Variants in NAV2 observed in about 807,000 individuals in gnomAD.
NAV2 encodes neuron navigator 2, also known as helicase, APC down-regulated 1.
Under a neutral mutation model 223.2 loss-of-function variants are expected in NAV2, and 54 were observed. That is an observed-to-expected ratio of 0.24 (90% CI 0.19 to 0.30). NAV2 has a LOEUF of 0.30. Ranked by LOEUF, NAV2 falls within the 10% of genes least tolerant of loss-of-function variation. The probability of loss-of-function intolerance (pLI) is 1.00; values close to 1 mark genes in which losing one functional copy is unlikely to be tolerated. For missense variants in NAV2, 2,806 were observed against 3,147.5 expected (o/e 0.89, Z 2.60); for synonymous variants, 1,279 against 1,239.3 (o/e 1.03, Z -0.67).
In NAV2 at chr11:19,933,785, T is replaced by C. The variant is rs1279246703; in HGVS notation, c.1541T>C (p.Leu514Pro). The change falls in exon 7 of 38, where the codon CTG becomes CCG. Residue 514 changes from leucine to proline, a missense_variant. By Grantham distance (98) the Leu-to-Pro change is moderately conservative (BLOSUM62 -3). Coordinates refer to ENST00000349880, the MANE Select transcript of NAV2 (RefSeq NM_145117.5). This position sits in a 1 kb window ranked among gnomAD's most constrained non-coding sequence, Gnocchi z 4.3. Reference protein sequence around the residue: ...LAKRASVTERLDLKEEPKEDP... With the variant: ...LAKRASVTERPDLKEEPKEDP... ...AAGAGAGCCTCTGTGACGGAGAGGC[T>C]GGACCTCAAGGAGGAGCCAAAAGAA... 8.1e-6 allele frequency: 13 copies of C among 1,614,030 alleles called. No individual in the cohort carries two copies. The highest frequency in any genetic ancestry group is 1.0e-5 in the Non-Finnish European group (12 of 1,180,016).
intron 37 of NAV2, among the ~76,000 whole-genome samples, chr11:20,117,306 A>G (rs2063194176): frequency 6.6e-6 from 1 of 152,238 alleles, no homozygotes; most frequent in Non-Finnish European, 1.5e-5. Flanking sequence ...TTTAAGTTAG[A>G]TGATGATGAC....
At chr11:19,896,175 A>G (rs1212927707) in intron 6 of NAV2, among the ~76,000 whole-genome samples, 1 of 152,202 alleles carries the variant, frequency 6.6e-6, no homozygotes, top group African/African-American at 2.4e-5. Flanking sequence ...TTCAAAAAGT[A>G]GTGGCAAAAT....
intron 1 of NAV2, among the ~76,000 whole-genome samples, chr11:19,553,283 C>T (rs775409711): frequency 1.3e-5 from 2 of 152,222 alleles, no homozygotes; most frequent in Non-Finnish European, 2.9e-5. Context: ...TCAACAGCCC[C>T]ACCCCTAATC....
At chr11:20,021,066 C>T (rs1192105950) in intron 11 of NAV2, among the ~76,000 whole-genome samples, 1 of 152,196 alleles carries the variant, frequency 6.6e-6, no homozygotes, top group Non-Finnish European at 1.5e-5. Flanking sequence ...GCAGACCTGC[C>T]ATAGCCAGCC....
At chr11:19,987,479 G>A (rs2050899096) in intron 11 of NAV2, among the ~76,000 whole-genome samples, 1 of 152,238 alleles carries the variant, frequency 6.6e-6, no homozygotes, top group South Asian at 2.1e-4. Context: ...GCAGATCACT[G>A]TGTGAATAAG....
intron 22 of NAV2, 53 bp downstream of exon 22, chr11:20,068,451 T>C (rs895048271): frequency 1.5e-6 from 2 of 1,348,278 alleles, no homozygotes; most frequent in Admixed American, 1.7e-5. Flanking sequence ...CATCCTTGCC[T>C]TCTGAACAGC....
chr11:19,709,280 C>T (rs6483615), upstream of NAV2, among the ~76,000 whole-genome samples: 19,557 of 152,096 alleles, frequency 0.13, 1,344 homozygotes, highest in Non-Finnish European at 0.14. Context: ...CGGTGGCTCA[C>T]GCCTGTAATC....
rs1007530389 is a variant in NAV2 at position 19,939,561 on chromosome 11, C to T, written c.2034-100C>T. On this transcript the variant is annotated intron_variant, in intron 7 of 37. Transcript: ENST00000349880. The stretch of plus-strand genomic sequence containing the variant: ...GTCCACTCTGTTCTGAAGCTTCTTG[C>T]TACAGGAGGTGATGGTGAGGGCTGT... 4.8e-5 allele frequency: 38 copies of T among 789,964 alleles called. No individual in the cohort carries two copies. In the African/African-American group the frequency reaches 5.7e-4, roughly 12 times the overall value. The allele number at this position is 789,964 out of a possible 1,614,324, so 48.9% of individuals were successfully genotyped here.
chr11:19,413,893 G>A (rs544790885), intron 1 of NAV2, among the ~76,000 whole-genome samples: 4 of 152,190 alleles, frequency 2.6e-5, no homozygotes, highest in Admixed American at 1.3e-4. Context: ...CCACCACCAG[G>A]CCTGCTTTAT....
chr11:19,505,383 A>G (rs1237611105), intron 1 of NAV2: 1 of 152,248 alleles, frequency 6.6e-6, no homozygotes, highest in East Asian at 1.9e-4. Context: ...TTTCTTACTT[A>G]GAGCTGTAGA....
At chr11:19,453,560 G>A (rs1394662049) in intron 1 of NAV2, among the ~76,000 whole-genome samples, 4 of 152,122 alleles carry the variant, frequency 2.6e-5, no homozygotes, top group African/African-American at 9.7e-5. Context: ...AGCCCCCATG[G>A]GCTGCCTGGA....
chr11:19,789,366 C>T (rs1467202167), intron 1 of NAV2, among the ~76,000 whole-genome samples: 1 of 152,112 alleles, frequency 6.6e-6, no homozygotes, highest in African/African-American at 2.4e-5. Context: ...TCCCAAAATC[C>T]ATCCTTTGAC....
chr11:19,476,610 G>A (rs2042123683), intron 1 of NAV2, among the ~76,000 whole-genome samples: 1 of 152,142 alleles, frequency 6.6e-6, no homozygotes, highest in South Asian at 2.1e-4. Flanking sequence ...TTAGCTCTGT[G>A]GAACATGATA....
intron 1 of NAV2, chr11:19,519,950 T>A (rs1164710012): frequency 1.3e-5 from 2 of 152,228 alleles, no homozygotes; most frequent in Admixed American, 1.3e-4. Flanking sequence ...TTAGGGGTTG[T>A]GTTTATTTTG....
chr11:19,714,103 G>A, intron 1 of NAV2, 141 bp downstream of exon 1: 1 of 1,270,362 alleles, frequency 7.9e-7, no homozygotes, highest in East Asian at 2.5e-5. Flanking sequence ...AGGCCGGCAG[G>A]TTGGGGGATG....
intron 20 of NAV2, among the ~76,000 whole-genome samples, chr11:20,063,575 A>G (rs960929600): frequency 1.3e-5 from 2 of 152,010 alleles, no homozygotes; most frequent in Non-Finnish European, 2.9e-5. Flanking sequence ...GGATTTCACC[A>G]TGTTGGCCAG....
rs1433893039 is a variant in NAV2 at position 20,092,388 on chromosome 11, T to C, written c.5815+20T>C. ...GCCTGGGTGAGTGGCCTACAGGGTT[T>C]GGGGGCAGGAATGGACCTACAGCTG... On this transcript the variant is annotated intron_variant, in intron 28 of 37. Coordinates refer to ENST00000349880, the MANE Select transcript of NAV2 (RefSeq NM_145117.5). 4 of 1,600,900 alleles carry C rather than the reference T, an allele frequency of 2.5e-6. No homozygotes were observed. The highest frequency in any genetic ancestry group is 1.7e-5 in the Admixed American group (1 of 59,394).
intron 5 of NAV2, among the ~76,000 whole-genome samples, chr11:19,886,922 A>G (rs772926354): frequency 2.6e-5 from 4 of 152,130 alleles, no homozygotes; most frequent in East Asian, 3.9e-4. Context: ...GCTGAGGCCA[A>G]TGAAGGGATG....
At chr11:19,380,420 C>A (rs556728273) in intron 1 of NAV2, 1 of 152,332 alleles carries the variant, frequency 6.6e-6, no homozygotes, top group Non-Finnish European at 1.5e-5. Flanking sequence ...TCTGGAATTT[C>A]CATGTCCTGT....
Sources: allele counts gnomAD v4.1 joint callset (sites outside exome capture counted in the v4.1 genomes callset), GRCh38; gene constraint gnomAD v4.1.1; non-coding constraint Gnocchi (gnomAD v3.1); transcripts MANE v1.5; gene names NCBI Gene and HGNC (gene_info 2026-07-23, HGNC 2026-07-21).